NEU1: variants seen among roughly 807,000 people sequenced by gnomAD.
The protein encoded by NEU1 is neuraminidase 1.
Under a neutral mutation model 38.3 loss-of-function variants are expected in NEU1, and 32 were observed. The ratio of observed to expected loss-of-function variants is 0.84; its 90% confidence interval spans 0.63 to 1.12. The LOEUF is 1.12. Ranked by LOEUF, NEU1 falls within the 50% of genes most tolerant of loss-of-function variation. NEU1 has a pLI of 0.00. For missense variants in NEU1, 431 were observed against 549.2 expected (o/e 0.78, Z 2.15); for synonymous variants, 192 against 225.2 (o/e 0.85, Z 1.32).
Position 31,860,183 on chromosome 6 carries a change from G to A in NEU1, c.880C>T (p.Arg294Cys), listed in dbSNP as rs190549838. The change falls in exon 5 of 6, where the codon CGC (arginine) becomes TGC (cysteine). Residue 294 changes from arginine (R) to cysteine (C), a missense_variant. Physicochemically the swap from Arg to Cys is radical, Grantham distance 180 (BLOSUM62 -3). Transcript: ENST00000375631. This position sits in a 1 kb window ranked among gnomAD's most constrained non-coding sequence, Gnocchi z 4.8. ...NYHCHCRIVL[R>C]SYDACDTLRP... ...AGTGTATCACAGGCATCATAGCTGC[G>A]GAGGACAATTCGGCAGTGGCAGTGG... 1.8e-5 allele frequency: 29 copies of A among 1,613,018 alleles called. No homozygotes were observed. The highest frequency in any genetic ancestry group is 2.2e-5 in the Non-Finnish European group (26 of 1,180,016).
chr6:31,859,734 G>A lies in NEU1; in HGVS notation c.1233C>T (p.Val411=). The change falls in exon 6 of 6, where the codon GTC becomes GTT. Residue 411 remains valine, a synonymous_variant. Coordinates refer to ENST00000375631, the MANE Select transcript of NEU1 (RefSeq NM_000434.4). ...GTGGCACAGCTCAGAGTGTCCCATAGACACTGATTTTGGCCACGGAGATGC... is the reference window on the plus strand; with the variant it reads ...GTGGCACAGCTCAGAGTGTCCCATAAACACTGATTTTGGCCACGGAGATGC... ...TESISVAKIS[V]YGTL The A allele has an allele frequency of 1.2e-6, 2 of 1,612,928 alleles. No individual in the cohort carries two copies. The highest frequency in any genetic ancestry group is 1.1e-5 in the South Asian group (1 of 91,080).
chr6:31,861,593 T>G, intron 2 of NEU1, 143 bp from the exon 3 acceptor site: 1 of 951,528 alleles, frequency 1.1e-6, no homozygotes, highest in Non-Finnish European at 1.6e-6. Context: ...GCACTATCTA[T>G]ACCTCTTGTC....
At position 31,860,702 on chromosome 6, in the gene NEU1, A is replaced by G; in HGVS notation, c.616-81T>C. On this transcript the variant is annotated intron_variant, in intron 3 of 5. Transcript: ENST00000375631. This position sits in a 1 kb window ranked among gnomAD's most constrained non-coding sequence, Gnocchi z 4.8. ...GGACAGAGAACCCACCACTTCCCAAATGCAATCACATGTATGGTCCCCTTG... is the reference window on the plus strand; with the variant it reads ...GGACAGAGAACCCACCACTTCCCAAGTGCAATCACATGTATGGTCCCCTTG... 1 of 1,465,486 alleles carries G rather than the reference A, an allele frequency of 6.8e-7. No homozygotes were observed. The highest frequency in any genetic ancestry group is 1.1e-5 in the South Asian group (1 of 87,890). 90.8% of individuals were successfully genotyped at this position (1,465,486 alleles called of 1,614,324 possible).
rs1032947933 is a variant in NEU1, at chr6:31,859,626, T to G, written c.*93A>C. On this transcript the variant is annotated 3_prime_UTR_variant, in exon 6 of 6. Transcript: ENST00000375631. ...GCTGGAGTCTAAAGGAAGATGGAAC[T>G]GTCTTTCAGGCGTCTCCAGCAGACC... The G allele has an allele frequency of 2.4e-6, 3 of 1,255,318 alleles. No homozygotes were observed. The highest frequency in any genetic ancestry group is 3.6e-5 in the Admixed American group (2 of 56,192). 77.8% of individuals were successfully genotyped at this position (1,255,318 alleles called of 1,614,324 possible). A position where few individuals can be genotyped will look rare whatever the true frequency, so the allele number is the denominator to read the frequency against.
Position 31,859,797 on chromosome 6 carries a change from G to A in NEU1, c.1170C>T (p.Tyr390=), listed in dbSNP as rs746607723. The change falls in exon 6 of 6, where the codon TAC becomes TAT. Residue 390 remains tyrosine (Y), a synonymous_variant. Coordinates refer to ENST00000375631, the MANE Select transcript of NEU1 (RefSeq NM_000434.4). ...MDGEEQAPQL[Y]VLYEKGRNHY... ...GGTTCCGGCCTTTCTCATACAGGAC[G>A]TAGAGCTGGGGGGCCTGCTCCTCTC... The A allele has an allele frequency of 4.5e-5, 73 of 1,612,930 alleles. No individual in the cohort carries two copies. The highest frequency in any genetic ancestry group is 1.3e-4 in the East Asian group (6 of 44,892).
In NEU1 at chr6:31,857,916, T is replaced by A. The variant is rs1265727200; in HGVS notation, c.*1803A>T. The A allele has an allele frequency of 6.6e-6, 1 of 152,010 alleles. No homozygotes were observed. Among genetic ancestry groups the A allele is most frequent in the Admixed American group, 6.6e-5 (1 of 15,246 alleles). 9.4% of individuals were successfully genotyped at this position (152,010 alleles called of 1,614,324 possible). On this transcript the variant is annotated 3_prime_UTR_variant, in exon 6 of 6. Transcript: ENST00000375631. ...AGTCTCACTCTGTTGCCGAGGCTGG[T>A]GTGCAGTGCTGTGATCTCAGCTCAC...
Position 31,862,467 on chromosome 6 carries a change from G to A in NEU1, c.159+151C>T. On this transcript the variant is annotated intron_variant, in intron 1 of 5. Coordinates refer to ENST00000375631, the MANE Select transcript of NEU1 (RefSeq NM_000434.4). The surrounding 1 kb of genome is among the most constrained non-coding windows in gnomAD (Gnocchi z 6.3). Reference sequence around the variant, plus strand: ...AGAAGGACGGGGACCCGGAGAGGGAGAGGGGCTGGGAGCGGTAGGAGGAAA... The same window carrying A: ...AGAAGGACGGGGACCCGGAGAGGGAAAGGGGCTGGGAGCGGTAGGAGGAAA... 1 of 1,138,910 alleles carries A rather than the reference G, an allele frequency of 8.8e-7. No individual in the cohort carries two copies. Among genetic ancestry groups the A allele is most frequent in the Non-Finnish European group, 1.3e-6 (1 of 783,076 alleles). The allele number at this position is 1,138,910 out of a possible 1,614,324, so 70.6% of individuals were successfully genotyped here. A position where few individuals can be genotyped will look rare whatever the true frequency, so the allele number is the denominator to read the frequency against.
In NEU1 at chr6:31,861,336, G is replaced by C; in HGVS notation, c.467C>G (p.Ser156Cys). ...VETGVVFLFY[S>C]LCAHKAGCQV... The stretch of plus-strand genomic sequence containing the variant: ...GCAGCCGGCCTTGTGAGCACAAAGG[G>C]AGTAGAAAAGAAATACTACTCCTGT... Residue 156 changes from serine to cysteine, a missense_variant, in exon 3 of 6, where the codon TCC becomes TGC. Ser to Cys is a moderately radical substitution (Grantham distance 112, BLOSUM62 -1). Transcript: ENST00000375631. 6.2e-7 allele frequency: 1 copy of C among 1,613,008 alleles called. No homozygotes were observed. Among genetic ancestry groups the C allele is most frequent in the Non-Finnish European group, 8.5e-7 (1 of 1,180,042 alleles).
rs771662960 is a variant in NEU1, at chr6:31,861,253, G to T, written c.550C>A (p.Pro184Thr). ...SKDDGVSWSTPRNLSLDIGTE... is the reference protein window; with the variant it reads ...SKDDGVSWSTTRNLSLDIGTE... ...CCAATATCCAGGGAGAGATTCCGGG[G>T]TGTGCTCCAGGAAACACCATCATCC... Residue 184 changes from proline to threonine, a missense_variant, in exon 3 of 6, where the codon CCC becomes ACC. By Grantham distance (38) the Pro-to-Thr change is conservative. Coordinates refer to ENST00000375631, the MANE Select transcript of NEU1 (RefSeq NM_000434.4). The T allele has an allele frequency of 1.2e-6, 2 of 1,612,942 alleles. No individual in the cohort carries two copies. Among genetic ancestry groups the T allele is most frequent in the Admixed American group, 3.3e-5 (2 of 60,030 alleles).
chr6:31,861,092 T>C, intron 3 of NEU1, 96 bp downstream of exon 3: 14 of 1,574,528 alleles, frequency 8.9e-6, no homozygotes, highest in Non-Finnish European at 1.2e-5. Context: ...AAAATCTGAC[T>C]TCAGAGAATC....
In NEU1 at chr6:31,861,320, C is replaced by T; in HGVS notation, c.483G>A (p.Lys161=). The part of the protein sequence containing the change: ...VFLFYSLCAH[K]AGCQVASTML... ...TGGTAGAGGCCACCTGGCAGCCGGCCTTGTGAGCACAAAGGGAGTAGAAAA... is the reference window on the plus strand; with the variant it reads ...TGGTAGAGGCCACCTGGCAGCCGGCTTTGTGAGCACAAAGGGAGTAGAAAA... Residue 161 remains lysine (K), a synonymous_variant, in exon 3 of 6, where the codon AAG becomes AAA. Transcript: ENST00000375631. The T allele has an allele frequency of 6.2e-7, 1 of 1,613,038 alleles. No homozygotes were observed. The highest frequency in any genetic ancestry group is 8.5e-7 in the Non-Finnish European group (1 of 1,180,032).
chr6:31,862,131 C>T lies in NEU1; in HGVS notation c.220G>A (p.Val74Met). ...ATGAGCGGGATGCGGAAGGTGTCCA[C>T]TGAGCCGATCTGTCTCCCGCTCACC... ...LWVSGRQIGS[V>M]DTFRIPLITA... is the part of the protein sequence containing the mutation. Residue 74 changes from valine (V) to methionine (M), a missense_variant, in exon 2 of 6, where the codon GTG (valine) becomes ATG (methionine). Physicochemically the swap from Val to Met is conservative, Grantham distance 21. Transcript: ENST00000375631. The surrounding 1 kb of genome is among the most constrained non-coding windows in gnomAD (Gnocchi z 6.3). The T allele has an allele frequency of 6.2e-7, 1 of 1,613,098 alleles. No individual in the cohort carries two copies. The highest frequency in any genetic ancestry group is 8.5e-7 in the Non-Finnish European group (1 of 1,180,038).
rs972526027 is a variant in NEU1, at chr6:31,862,266, G to C, written c.160-75C>G. 9.9e-6 allele frequency: 15 copies of C among 1,509,072 alleles called. No homozygotes were observed. The highest frequency in any genetic ancestry group is 1.4e-5 in the Non-Finnish European group (15 of 1,095,730). 93.5% of individuals were successfully genotyped at this position (1,509,072 alleles called of 1,614,324 possible). On this transcript the variant is annotated intron_variant, in intron 1 of 5. Coordinates refer to ENST00000375631, the MANE Select transcript of NEU1 (RefSeq NM_000434.4). The surrounding 1 kb of genome is among the most constrained non-coding windows in gnomAD (Gnocchi z 6.3). ...TTTAGGAACCCACGTTCCGATGGGA[G>C]AGGGAGGATCTAATGGGGATCCCGA...
Position 31,861,204 on chromosome 6 carries a change from G to C in NEU1, c.599C>G (p.Pro200Arg), listed in dbSNP as rs756023124. ...DIGTEVFAPG[P>R]GSGIQKQREP... ...GACAGAGACCTGAATACCAGAGCCCGGTCCAGGGGCAAACACTTCAGTGCC... is the reference window on the plus strand; with the variant it reads ...GACAGAGACCTGAATACCAGAGCCCCGTCCAGGGGCAAACACTTCAGTGCC... Residue 200 changes from proline (P) to arginine (R), a missense_variant, in exon 3 of 6, where the codon CCG becomes CGG. Pro to Arg is a moderately radical substitution (Grantham distance 103). Coordinates refer to ENST00000375631, the MANE Select transcript of NEU1 (RefSeq NM_000434.4). The C allele has an allele frequency of 1.1e-5, 18 of 1,611,870 alleles. No homozygotes were observed. Among genetic ancestry groups the C allele is most frequent in the Non-Finnish European group, 1.4e-5 (17 of 1,180,026 alleles).
Position 31,860,664 on chromosome 6 carries a change from G to A in NEU1, c.616-43C>T. On this transcript the variant is annotated intron_variant, in intron 3 of 5. Coordinates refer to ENST00000375631, the MANE Select transcript of NEU1 (RefSeq NM_000434.4). The surrounding 1 kb of genome is among the most constrained non-coding windows in gnomAD (Gnocchi z 4.8). ...GGGTGTCACAGAAGGAGACTCTAGG[G>A]GCTCAGAGGCAGGGACAGAGAACCC... 1 of 1,608,556 alleles carries A rather than the reference G, an allele frequency of 6.2e-7. No individual in the cohort carries two copies. The highest frequency in any genetic ancestry group is 8.5e-7 in the Non-Finnish European group (1 of 1,177,032).
chr6:31,862,698 T>C lies in NEU1; in HGVS notation c.79A>G (p.Arg27Gly). The C allele has an allele frequency of 6.2e-7, 1 of 1,612,948 alleles. No individual in the cohort carries two copies. Among genetic ancestry groups the C allele is most frequent in the Non-Finnish European group, 8.5e-7 (1 of 1,179,976 alleles). The change falls in exon 1 of 6, where the codon AGG becomes GGG. Residue 27 changes from arginine (R) to glycine (G), a missense_variant. Transcript: ENST00000375631. The surrounding 1 kb of genome is among the most constrained non-coding windows in gnomAD (Gnocchi z 6.3). ...PRILGFWGGCRVWVFAAIFLL... is the reference protein window; with the variant it reads ...PRILGFWGGCGVWVFAAIFLL... ...AAGATCGCGGCAAACACCCAAACCC[T>C]ACAGCCTCCCCAGAAGCCCAGAATC...
chr6:31,862,343 AG>A lies in NEU1; in HGVS notation c.160-153del. On this transcript the variant is annotated intron_variant, in intron 1 of 5. Coordinates refer to ENST00000375631, the MANE Select transcript of NEU1 (RefSeq NM_000434.4). This position sits in a 1 kb window ranked among gnomAD's most constrained non-coding sequence, Gnocchi z 6.3. The stretch of plus-strand genomic sequence containing the variant: ...AAGAGGAACACGAAGGGGAGTTTGG[AG>A]CGAAGCTGGAGGCTCGGAGCAGGGG... The A allele has an allele frequency of 9.9e-7, 1 of 1,014,798 alleles. No homozygotes were observed. Among genetic ancestry groups the A allele is most frequent in the Non-Finnish European group, 1.5e-6 (1 of 672,040 alleles). 62.9% of individuals were successfully genotyped at this position (1,014,798 alleles called of 1,614,324 possible). A position where few individuals can be genotyped will look rare whatever the true frequency, so the allele number is the denominator to read the frequency against.
chr6:31,859,493 A>G lies in NEU1; in HGVS notation c.*226T>C. 1.6e-6 allele frequency: 1 copy of G among 640,524 alleles called. No individual in the cohort carries two copies. The highest frequency in any genetic ancestry group is 2.7e-5 in the East Asian group (1 of 36,628). The allele number at this position is 640,524 out of a possible 1,614,324, so 39.7% of individuals were successfully genotyped here. ...GTGGGGCCACACTTAGCCATATGGA[A>G]AGACAGTATTCTCAGATGAGGGCAG... On this transcript the variant is annotated 3_prime_UTR_variant, in exon 6 of 6. Coordinates refer to ENST00000375631, the MANE Select transcript of NEU1 (RefSeq NM_000434.4).
At position 31,862,773 on chromosome 6, in the gene NEU1, T is replaced by C; in HGVS notation, c.4A>G (p.Thr2Ala). MTGERPSTALPD... is the reference protein window; with the variant it reads MAGERPSTALPD... The stretch of plus-strand genomic sequence containing the variant: ...AGCGCCGTGCTGGGTCGCTCCCCAG[T>C]CATCTCTCCCCGCAGCTGCCGCGAC... Residue 2 changes from threonine (T) to alanine (A), a missense_variant, in exon 1 of 6, where the codon ACT becomes GCT. Transcript: ENST00000375631. The surrounding 1 kb of genome is among the most constrained non-coding windows in gnomAD (Gnocchi z 6.3). The C allele has an allele frequency of 6.2e-7, 1 of 1,612,732 alleles. No homozygotes were observed. The highest frequency in any genetic ancestry group is 8.5e-7 in the Non-Finnish European group (1 of 1,179,952).
Sources: allele counts gnomAD v4.1 joint callset, GRCh38; gene constraint gnomAD v4.1.1; non-coding constraint Gnocchi (gnomAD v3.1); transcripts MANE v1.5; gene names NCBI Gene and HGNC (gene_info 2026-07-23, HGNC 2026-07-21).